NRIP1: variants seen among roughly 807,000 people sequenced by gnomAD.
The protein encoded by NRIP1 is nuclear receptor-interacting protein 1.
Under a neutral mutation model 75.0 loss-of-function variants are expected in NRIP1, and 28 were observed. The ratio of observed to expected loss-of-function variants is 0.37; its 90% CI spans 0.28 to 0.51. NRIP1 has a LOEUF of 0.51. NRIP1 is among the 20% of genes least tolerant of loss of function. The pLI, the probability that NRIP1 is intolerant of heterozygous loss-of-function variation, is 0.92. For missense variants in NRIP1, 1,435 were observed against 1,343.7 expected (o/e 1.07, Z -1.06); for synonymous variants, 526 against 487.6 (o/e 1.08, Z -1.04).
Position 14,964,633 on chromosome 21 carries a change from TCAAATCATGC to T in NRIP1, c.*73_*82del, listed in dbSNP as rs1264080771. ...AGTTTCAATTATACCATGCTTTTTTTCAAATCATGCTCTTATTTATACAGATCTCAAGTTC... is the reference window on the plus strand; with the variant it reads ...AGTTTCAATTATACCATGCTTTTTTTTCTTATTTATACAGATCTCAAGTTC... On this transcript the variant is annotated 3_prime_UTR_variant, in exon 4 of 4. Coordinates refer to ENST00000318948, the MANE Select transcript of NRIP1 (RefSeq NM_003489.4). 7 of 1,093,824 alleles carry T rather than the reference TCAAATCATGC, an allele frequency of 6.4e-6. No individual in the cohort carries two copies. The highest frequency in any genetic ancestry group is 1.6e-5 in the African/African-American group (1 of 63,230). The allele number at this position is 1,093,824 out of a possible 1,614,324, so 67.8% of individuals were successfully genotyped here.
intron 3 of NRIP1, among the ~76,000 whole-genome samples, chr21:14,990,357 G>A (rs535243661): frequency 1.3e-5 from 2 of 152,004 alleles, no homozygotes; most frequent in South Asian, 4.2e-4. Context: ...GCTGGGAACT[G>A]TGTACTAGGG....
intron 2 of NRIP1, among the ~76,000 whole-genome samples, chr21:15,031,339 GCTC>G: frequency 6.9e-6 from 1 of 144,978 alleles, no homozygotes; most frequent in African/African-American, 2.5e-5. Context: ...TCTGGAAGGC[GCTC>G]GGAGGATCAC....
Position 15,037,100 on chromosome 21 carries a change from T to G in NRIP1, c.-458+6395A>C, listed in dbSNP as rs117056795. ...AACATATTAAATAAATTTTGCTTAT[T>G]CAGGTAAGGAACATTAAAAGAGCAT... On this transcript the variant is annotated intron_variant, in intron 2 of 3. Coordinates refer to ENST00000318948, the MANE Select transcript of NRIP1 (RefSeq NM_003489.4). Among the ~76,000 whole-genome samples the G allele has an allele frequency of 9.9e-3, 1,500 of 152,276 alleles. 19 individuals carry two copies. Among genetic ancestry groups the G allele is most frequent in the Non-Finnish European group, 0.014 (963 of 68,004 alleles).
At chr21:15,031,593 G>A (rs1322251864) in intron 2 of NRIP1, among the ~76,000 whole-genome samples, 38 of 120,804 alleles carry the variant, frequency 3.1e-4, no homozygotes, top group African/African-American at 1.3e-3. Flanking sequence ...GAAGGCGCTC[G>A]GAGGATCACC....
intron 2 of NRIP1, among the ~76,000 whole-genome samples, chr21:15,025,216 T>G (rs2088487971): frequency 6.6e-6 from 1 of 152,104 alleles, no homozygotes; most frequent in African/African-American, 2.4e-5. Context: ...AATGGCAGAT[T>G]GACTACATAC....
At chr21:14,987,749 C>T (rs376922828) in intron 3 of NRIP1, among the ~76,000 whole-genome samples, 1 of 152,166 alleles carries the variant, frequency 6.6e-6, no homozygotes, top group Non-Finnish European at 1.5e-5. Context: ...CACCCTTCCT[C>T]GAATGAAATA....
chr21:15,063,891 G>C (rs1024891416), intron 1 of NRIP1, among the ~76,000 whole-genome samples: 1 of 152,220 alleles, frequency 6.6e-6, no homozygotes, highest in Non-Finnish European at 1.5e-5. Context: ...GAATGCTTCA[G>C]AGATCAACAT....
rs1054651323 is a variant in NRIP1 at position 14,963,381 on chromosome 21, A to T, written c.*1335T>A. 6.6e-6 allele frequency: 1 copy of T among 152,482 alleles called. No individual in the cohort carries two copies. The highest frequency in any genetic ancestry group is 1.5e-5 in the Non-Finnish European group (1 of 67,976). The allele number at this position is 152,482 out of a possible 1,614,324, so 9.4% of individuals were successfully genotyped here. A position where few individuals can be genotyped will look rare whatever the true frequency, so the allele number is the denominator to read the frequency against. Reference sequence around the variant, plus strand: ...AAGTAGATGTTACTCATTAGAACACACAAATAATCACAGATTTTCCTGAGA... The same window carrying T: ...AAGTAGATGTTACTCATTAGAACACTCAAATAATCACAGATTTTCCTGAGA... On this transcript the variant is annotated 3_prime_UTR_variant, in exon 4 of 4. Transcript: ENST00000318948.
At chr21:14,970,158 T>C (rs1726336522) in intron 3 of NRIP1, among the ~76,000 whole-genome samples, 2 of 152,204 alleles carry the variant, frequency 1.3e-5, no homozygotes, top group South Asian at 2.1e-4. Flanking sequence ...ATTGGAGGCT[T>C]ATTTTTCTTT....
chr21:15,031,398 A>T (rs75622209), intron 2 of NRIP1, among the ~76,000 whole-genome samples: 53 of 79,112 alleles, frequency 6.7e-4, no homozygotes, highest in African/African-American at 1.1e-3. Context: ...CGCTCGGAGG[A>T]TCACCACATT....
chr21:15,024,081 A>T (rs2088447817), intron 2 of NRIP1, among the ~76,000 whole-genome samples: 1 of 152,252 alleles, frequency 6.6e-6, no homozygotes, highest in Non-Finnish European at 1.5e-5. Flanking sequence ...AAAATATAAG[A>T]GGATATCTTT....
chr21:15,018,897 T>C (rs2088300322), intron 2 of NRIP1, among the ~76,000 whole-genome samples: 1 of 152,062 alleles, frequency 6.6e-6, no homozygotes, highest in African/African-American at 2.4e-5. Context: ...CATTCATGCT[T>C]TGTCCCCATT....
intron 2 of NRIP1, among the ~76,000 whole-genome samples, chr21:15,024,344 A>C (rs2088457648): frequency 6.6e-6 from 1 of 152,176 alleles, no homozygotes; most frequent in Non-Finnish European, 1.5e-5. Context: ...GGAGTTCGAG[A>C]CCAGCCTGGC....
At position 15,031,588 on chromosome 21, in the gene NRIP1, C is replaced by T. The variant is rs1240516093; in HGVS notation, c.-458+11907G>A. ...TTCTATGTGTATACACTCTGGAAGG[C>T]GCTCGGAGGATCACCACATTCCCTT... On this transcript the variant is annotated intron_variant, in intron 2 of 3. Transcript: ENST00000318948. Among the ~76,000 whole-genome samples, 11 of 124,536 alleles carry T rather than the reference C, an allele frequency of 8.8e-5. 1 individual carries two copies. Among genetic ancestry groups the T allele is most frequent in the African/African-American group, 2.8e-4 (8 of 28,610 alleles). The allele number at this position is 124,536 out of a possible 152,430, so 81.7% of individuals were successfully genotyped here. A position where few individuals can be genotyped will look rare whatever the true frequency, so the allele number is the denominator to read the frequency against.
chr21:14,994,873 A>T (rs76883734), intron 3 of NRIP1, among the ~76,000 whole-genome samples: 1 of 152,204 alleles, frequency 6.6e-6, no homozygotes, highest in South Asian at 2.1e-4. Context: ...TCCTCTAAGT[A>T]CTCAACAAGT....
Position 14,965,757 on chromosome 21 carries a change from A to T in NRIP1, c.2436T>A (p.Ser812=). ...GACTTAGCAGACCATTCTTGGAGAA[A>T]GAAAAATCCTGAGGTGAAACAGGCT... is the stretch of plus-strand genomic sequence containing the variant. ...KSEPVSPQDF[S]FSKNGLLSRL... is the part of the protein sequence containing the mutation. The change falls in exon 4 of 4, where the codon TCT becomes TCA. Residue 812 remains serine, a synonymous_variant. Coordinates refer to ENST00000318948, the MANE Select transcript of NRIP1 (RefSeq NM_003489.4). The T allele has an allele frequency of 1.2e-6, 2 of 1,614,034 alleles. No individual in the cohort carries two copies. Among genetic ancestry groups the T allele is most frequent in the Non-Finnish European group, 1.7e-6 (2 of 1,179,974 alleles).
rs1369045765 is a variant in NRIP1 at position 14,963,840 on chromosome 21, C to T, written c.*876G>A. On this transcript the variant is annotated 3_prime_UTR_variant, in exon 4 of 4. Transcript: ENST00000318948. The stretch of plus-strand genomic sequence containing the variant: ...GTACCACAGGAATGGTGAGAATTAA[C>T]TTTTACAAGAGATGGTGAAAACTGT... The T allele has an allele frequency of 1.3e-5, 2 of 152,378 alleles. No individual in the cohort carries two copies. Among genetic ancestry groups the T allele is most frequent in the East Asian group, 3.9e-4 (2 of 5,184 alleles). 9.4% of individuals were successfully genotyped at this position (152,378 alleles called of 1,614,324 possible).
rs1051543354 is a variant in NRIP1, at chr21:14,962,116, ACTG to A, written c.*2597_*2599del. On this transcript the variant is annotated 3_prime_UTR_variant, in exon 4 of 4. Transcript: ENST00000318948. ...ATAAACAGGTAATGAATGCTACCTTACTGATGTCAATAAGCTGTAGTACCCTTT... is the reference window on the plus strand; with the variant it reads ...ATAAACAGGTAATGAATGCTACCTTAATGTCAATAAGCTGTAGTACCCTTT... 1.3e-5 allele frequency: 2 copies of A among 150,288 alleles called. No individual in the cohort carries two copies. The highest frequency in any genetic ancestry group is 1.3e-4 in the Admixed American group (2 of 15,048). 9.3% of individuals were successfully genotyped at this position (150,288 alleles called of 1,614,324 possible).
intron 3 of NRIP1, among the ~76,000 whole-genome samples, chr21:15,002,965 C>CAACAATTATTTAAA (rs985420599): frequency 2.6e-5 from 4 of 152,010 alleles, no homozygotes; most frequent in African/African-American, 7.2e-5. Context: ...TTTCAGGTCT[C>CAACAATTATTTAAA]AACAATTATT....
Sources: allele counts gnomAD v4.1 joint callset (sites outside exome capture counted in the v4.1 genomes callset), GRCh38; gene constraint gnomAD v4.1.1; transcripts MANE v1.5; gene names NCBI Gene and HGNC (gene_info 2026-07-23, HGNC 2026-07-21).